The following CNTNAP3B variants were observed in gnomAD, a reference collection of about 807,000 sequenced individuals.
CNTNAP3B encodes the protein contactin associated protein family member 3B, also known as contactin-associated protein-like 3B.
Under a neutral mutation model 108.9 loss-of-function variants are expected in CNTNAP3B, and 25 were observed. The ratio of observed to expected loss-of-function variants is 0.23; its 90% confidence interval spans 0.17 to 0.32. The LOEUF is 0.32. Ranked by LOEUF, CNTNAP3B falls within the 10% of genes least tolerant of loss-of-function variation. The pLI is 1.00. For synonymous variants in CNTNAP3B, 103 were observed against 473.4 expected, an observed-to-expected ratio of 0.22 and a Z score of 10.16; for missense variants, 252 against 1,210.4, an observed-to-expected ratio of 0.21 and a Z score of 11.75.
intron 12 of CNTNAP3B, chr9:41,960,288 A>G (rs1825037645): frequency 2.3e-5 from 4 of 170,496 alleles, no homozygotes. Flanking sequence ...GTGAGCCACC[A>G]TGCGCAGCCC....
intron 9 of CNTNAP3B, among the ~76,000 whole-genome samples, chr9:41,976,928 G>T (rs1825526936): frequency 7.1e-6 from 1 of 140,786 alleles, no homozygotes; most frequent in Admixed American, 7.0e-5. Flanking sequence ...TAAAAAAAAG[G>T]CAAAACAACG....
intron 1 of CNTNAP3B, among the ~76,000 whole-genome samples, chr9:42,121,194 T>C (rs1457115246): frequency 7.2e-6 from 1 of 138,122 alleles, no homozygotes; most frequent in Non-Finnish European, 1.5e-5. Flanking sequence ...TGAAACACAT[T>C]CTACCGGCTT....
intron 3 of CNTNAP3B, among the ~76,000 whole-genome samples, chr9:42,045,978 G>A (rs1298340499): frequency 8.6e-6 from 1 of 116,062 alleles, no homozygotes; most frequent in East Asian, 3.3e-4. Flanking sequence ...CTGTCCAACA[G>A]AGTCCTGCAG....
At chr9:42,063,785 G>A (rs1034451394) in intron 3 of CNTNAP3B, among the ~76,000 whole-genome samples, 1 of 144,750 alleles carries the variant, frequency 6.9e-6, no homozygotes, top group African/African-American at 2.7e-5. Context: ...GCAATAGCAT[G>A]ATCATGGCTC....
At chr9:41,945,597 C>G (rs1221393272) in intron 13 of CNTNAP3B, among the ~76,000 whole-genome samples, 1 of 152,308 alleles carries the variant, frequency 6.6e-6, no homozygotes, top group Non-Finnish European at 1.5e-5. Flanking sequence ...AGGGGAACAT[C>G]ACACACCGGG....
chr9:41,939,550 A>G (rs1246905077), intron 13 of CNTNAP3B, among the ~76,000 whole-genome samples: 9 of 152,292 alleles, frequency 5.9e-5, no homozygotes, highest in African/African-American at 1.9e-4. Context: ...TTAAAGAGGG[A>G]TTAGTACCAG....
At chr9:42,063,829 C>T (rs1185022295) in intron 3 of CNTNAP3B, among the ~76,000 whole-genome samples, 2 of 149,612 alleles carry the variant, frequency 1.3e-5, no homozygotes, top group Non-Finnish European at 3.0e-5. Flanking sequence ...TCAAGCGACT[C>T]TCCCACCTCG....
chr9:42,056,500 G>A lies in CNTNAP3B; in HGVS notation c.390+20369C>T, dbSNP rs1277998915. On this transcript the variant is annotated intron_variant, in intron 3 of 23. Coordinates refer to ENST00000377561, the MANE Select transcript of CNTNAP3B (RefSeq NM_001201380.3). ...TGAGTAGCTGGGACTACAGGCGCCC[G>A]CCACCACACCTGGCTAATTTTTTGT... Among the ~76,000 whole-genome samples, 31 of 137,226 alleles carry A rather than the reference G, an allele frequency of 2.3e-4. 4 individuals are homozygous for A. Among genetic ancestry groups the A allele is most frequent in the African/African-American group, 8.1e-4 (28 of 34,742 alleles). 90.0% of individuals were successfully genotyped at this position (137,226 alleles called of 152,430 possible). A position where few individuals can be genotyped will look rare whatever the true frequency, so the allele number is the denominator to read the frequency against.
intron 1 of CNTNAP3B, among the ~76,000 whole-genome samples, chr9:42,122,308 G>A (rs1304522887): frequency 2.2e-5 from 3 of 138,938 alleles, no homozygotes; most frequent in South Asian, 4.7e-4. Context: ...CTTTGTTAGT[G>A]GACAAGAATG....
At chr9:41,977,640 C>G (rs1335027798) in intron 9 of CNTNAP3B, among the ~76,000 whole-genome samples, 1 of 125,424 alleles carries the variant, frequency 8.0e-6, no homozygotes, top group Non-Finnish European at 1.6e-5. Flanking sequence ...TTTTTTGAGA[C>G]GGCGTCTCAC....
At chr9:41,942,822 ATTT>A (rs1367516237) in intron 13 of CNTNAP3B, among the ~76,000 whole-genome samples, 1 of 151,842 alleles carries the variant, frequency 6.6e-6, no homozygotes, top group African/African-American at 2.4e-5. Context: ...CTTAGAGGAA[ATTT>A]TGGCCTCTGA....
Position 42,095,094 on chromosome 9 carries a change from C to G in CNTNAP3B, c.196+9535G>C, listed in dbSNP as rs1363925872. Among the ~76,000 whole-genome samples, 8 of 135,988 alleles carry G rather than the reference C, an allele frequency of 5.9e-5. 1 individual carries two copies. Among genetic ancestry groups the G allele is most frequent in the African/African-American group, 2.4e-4 (8 of 33,754 alleles). 89.2% of individuals were successfully genotyped at this position (135,988 alleles called of 152,430 possible). A position where few individuals can be genotyped will look rare whatever the true frequency, so the allele number is the denominator to read the frequency against. ...ACACTTATTAACTCTATTCACTATG[C>G]TGTGCAAAAGAACAACAGAAATTAT... is the stretch of plus-strand genomic sequence containing the variant. On this transcript the variant is annotated intron_variant, in intron 2 of 23. Coordinates refer to ENST00000377561, the MANE Select transcript of CNTNAP3B (RefSeq NM_001201380.3).
chr9:42,096,257 C>T (rs1469693191), intron 2 of CNTNAP3B, among the ~76,000 whole-genome samples: 3 of 139,360 alleles, frequency 2.2e-5, no homozygotes, highest in Non-Finnish European at 4.6e-5. Flanking sequence ...TAAGCCACCA[C>T]CGGCAAGGCT....
intron 15 of CNTNAP3B, among the ~76,000 whole-genome samples, chr9:41,927,688 A>T (rs898671589): frequency 6.6e-6 from 1 of 152,144 alleles, no homozygotes; most frequent in Non-Finnish European, 1.5e-5. Context: ...ATAAGAGCTA[A>T]AATATGAGAT....
chr9:41,943,595 G>T (rs1049642907), intron 13 of CNTNAP3B, among the ~76,000 whole-genome samples: 3 of 150,900 alleles, frequency 2.0e-5, no homozygotes, highest in Admixed American at 6.6e-5. Flanking sequence ...CTTGTGATCC[G>T]CCCGCCTCGG....
rs376700572 is a variant in CNTNAP3B at position 42,126,694 on chromosome 9, C to T, written c.85+2316G>A. ...AAGCGATTCTCCTGCCTCAGCCTCC[C>T]GAGTAGCTGGAATTACAGATGCCTG... On this transcript the variant is annotated intron_variant, in intron 1 of 23. Coordinates refer to ENST00000377561, the MANE Select transcript of CNTNAP3B (RefSeq NM_001201380.3). 1.2e-3 allele frequency among the ~76,000 whole-genome samples: 167 copies of T among 135,476 alleles called. 29 individuals are homozygous for T. The East Asian group carries it at 0.029, about 24-fold the overall frequency. 88.9% of individuals were successfully genotyped at this position (135,476 alleles called of 152,430 possible).
rs958055844 is a variant in CNTNAP3B at position 41,937,407 on chromosome 9, A to G, written c.2237+837T>C. On this transcript the variant is annotated intron_variant, in intron 14 of 23. Coordinates refer to ENST00000377561, the MANE Select transcript of CNTNAP3B (RefSeq NM_001201380.3). ...CTCCCAAAGTGCTGTGATTACAGGC[A>G]TGAGCCACAGTGCCTGGCCTAAGTT... is the stretch of plus-strand genomic sequence containing the variant. Among the ~76,000 whole-genome samples, 16 of 151,550 alleles carry G rather than the reference A, an allele frequency of 1.1e-4. No homozygotes were observed. In the East Asian group the frequency reaches 1.4e-3, roughly 13 times the overall value.
At chr9:42,089,797 C>G (rs1294426924) in intron 2 of CNTNAP3B, among the ~76,000 whole-genome samples, 1 of 142,304 alleles carries the variant, frequency 7.0e-6, no homozygotes, top group African/African-American at 2.7e-5. Flanking sequence ...TGCAGTTTAT[C>G]ACACAGGTTT....
chr9:41,940,681 G>A (rs1199824012), intron 13 of CNTNAP3B, among the ~76,000 whole-genome samples: 1 of 152,122 alleles, frequency 6.6e-6, no homozygotes, highest in Non-Finnish European at 1.5e-5. Flanking sequence ...CGAGCGTAGC[G>A]GCGGGAGCCT....
Sources: gnomAD v4.1 joint callset for allele counts (sites outside exome capture counted in the v4.1 genomes callset) on GRCh38, gnomAD v4.1.1 for gene constraint, MANE v1.5 for transcripts, NCBI Gene and HGNC (gene_info 2026-07-23, HGNC 2026-07-21) for gene names.